Variants in STRN3 observed in about 807,000 individuals in gnomAD.
STRN3 encodes the protein striatin 3.
A neutral mutation model predicts 95.6 loss-of-function variants in STRN3; 29 were observed. The ratio of observed to expected loss-of-function variants is 0.30; its 90% CI spans 0.23 to 0.41. The LOEUF (loss-of-function observed/expected upper bound fraction) is 0.41. Among genes scored for constraint, STRN3 ranks in the 10% least tolerant of loss-of-function variants. The pLI is 1.00. For synonymous variants in STRN3, 331 were observed against 357.6 expected, an observed-to-expected ratio of 0.93 and a Z score of 0.84; for missense variants, 890 against 972.1, an observed-to-expected ratio of 0.92 and a Z score of 1.12.
intron 1 of STRN3, among the ~76,000 whole-genome samples, chr14:30,957,990 TA>T: frequency 7.9e-6 from 1 of 125,908 alleles, no homozygotes; most frequent in Non-Finnish European, 1.9e-5. Flanking sequence ...AGTCAACTAA[TA>T]AAAACACCTA....
At chr14:30,970,847 T>C (rs1476407387) in intron 1 of STRN3, among the ~76,000 whole-genome samples, 1 of 152,254 alleles carries the variant, frequency 6.6e-6, no homozygotes, top group Non-Finnish European at 1.5e-5. Context: ...ACTGTTATGT[T>C]TGTGCGCACG....
At chr14:30,971,959 TC>T (rs1465967847) in intron 1 of STRN3, among the ~76,000 whole-genome samples, 3 of 152,080 alleles carry the variant, frequency 2.0e-5, no homozygotes, top group Admixed American at 6.6e-5. Flanking sequence ...AGAAGCTTCT[TC>T]TTTCAGAAAG....
At chr14:30,976,493 T>C (rs922335701) in intron 1 of STRN3, among the ~76,000 whole-genome samples, 2 of 152,178 alleles carry the variant, frequency 1.3e-5, no homozygotes, top group African/African-American at 4.8e-5. Context: ...AGTAAAGATA[T>C]AGTTCAACTG....
chr14:31,021,894 G>C (rs972968919), intron 1 of STRN3, among the ~76,000 whole-genome samples: 8 of 152,160 alleles, frequency 5.3e-5, no homozygotes, highest in African/African-American at 1.7e-4. Flanking sequence ...GAGAATTCTA[G>C]ATCAGTGGTC....
chr14:30,924,287 C>CTTTTTTTTTTTGTTTTTTTT (rs1896960574), intron 8 of STRN3, among the ~76,000 whole-genome samples: 1 of 77,228 alleles, frequency 1.3e-5, no homozygotes, highest in African/African-American at 5.4e-5. Flanking sequence ...TGCCTTAAAT[C>CTTTTTTTTTTTGTTTTTTTT]TTTTTTTTTT....
chr14:30,900,747 C>CAAA (rs57963139), intron 16 of STRN3, among the ~76,000 whole-genome samples: 1 of 132,014 alleles, frequency 7.6e-6, no homozygotes, highest in Non-Finnish European at 1.6e-5. Context: ...AAGACTGGCT[C>CAAA]AAAAAAAAAA....
intron 8 of STRN3, among the ~76,000 whole-genome samples, chr14:30,928,725 ATTG>A (rs1373010340): frequency 6.6e-6 from 1 of 152,058 alleles, no homozygotes; most frequent in African/African-American, 2.4e-5. Context: ...TCTTTTTGCT[ATTG>A]TTGTTGTTAG....
At chr14:30,947,396 C>G in intron 4 of STRN3, 133 bp from the exon 5 acceptor site, 1 of 652,832 alleles carries the variant, frequency 1.5e-6, no homozygotes, top group Non-Finnish European at 2.4e-6. Flanking sequence ...TTCTTCTCTA[C>G]AGACTAGTTC....
chr14:31,025,783 C>T (rs939984758), intron 1 of STRN3, 121 bp downstream of exon 1: 258 of 1,370,768 alleles, frequency 1.9e-4, no homozygotes, highest in Non-Finnish European at 2.4e-4. Flanking sequence ...ACCTGAGCAG[C>T]ACAGGTAGGT....
chr14:30,988,081 T>C (rs1218091202), intron 1 of STRN3, among the ~76,000 whole-genome samples: 1 of 152,220 alleles, frequency 6.6e-6, no homozygotes, highest in Non-Finnish European at 1.5e-5. Flanking sequence ...GTCTTGTATA[T>C]TAAAGCAAGT....
At chr14:30,971,931 ATCC>A (rs1310399619) in intron 1 of STRN3, among the ~76,000 whole-genome samples, 16 of 152,162 alleles carry the variant, frequency 1.1e-4, no homozygotes, top group African/African-American at 3.4e-4. Flanking sequence ...TCCCTTAACT[ATCC>A]TCCACCTTAT....
intron 1 of STRN3, among the ~76,000 whole-genome samples, chr14:31,010,277 T>C (rs1882909625): frequency 6.6e-6 from 1 of 151,840 alleles, no homozygotes; most frequent in Non-Finnish European, 1.5e-5. Context: ...ATGTGCACAA[T>C]GTGCAGGTTA....
intron 5 of STRN3, among the ~76,000 whole-genome samples, chr14:30,946,536 C>T (rs930290897): frequency 6.6e-6 from 1 of 152,022 alleles, no homozygotes; most frequent in Non-Finnish European, 1.5e-5. Context: ...GAAGCCAGAC[C>T]CTGACTCAAA....
intron 5 of STRN3, among the ~76,000 whole-genome samples, chr14:30,941,469 T>C (rs1879090090): frequency 6.6e-6 from 1 of 152,206 alleles, no homozygotes; most frequent in Non-Finnish European, 1.5e-5. Flanking sequence ...CCCTGCTGTT[T>C]TCATTTTATA....
chr14:31,013,863 TTTATTATTA>T (rs548417882), intron 1 of STRN3, among the ~76,000 whole-genome samples: 4,596 of 80,784 alleles, frequency 0.057, 130 homozygotes, highest in South Asian at 0.12. Context: ...TCAAAGCAAT[TTTATTATTA>T]TTATTATTAT....
At chr14:31,021,824 G>A (rs1377775019) in intron 1 of STRN3, among the ~76,000 whole-genome samples, 2 of 152,180 alleles carry the variant, frequency 1.3e-5, no homozygotes, top group African/African-American at 4.8e-5. Flanking sequence ...GAAGGGAGGA[G>A]AGAAGAAAGC....
intron 8 of STRN3, 119 bp downstream of exon 8, chr14:30,929,082 T>C: frequency 1.4e-6 from 1 of 695,946 alleles, no homozygotes. Context: ...AGACAAAGTT[T>C]AAAGTTAGTT....
chr14:30,944,707 C>G (rs999141041), intron 5 of STRN3, among the ~76,000 whole-genome samples: 5 of 150,370 alleles, frequency 3.3e-5, no homozygotes, highest in Admixed American at 1.3e-4. Context: ...CAACCTTTGC[C>G]TCCTGGTTCA....
chr14:30,903,684 C>T (rs1408897395), intron 15 of STRN3, among the ~76,000 whole-genome samples: 1 of 152,144 alleles, frequency 6.6e-6, no homozygotes, highest in Non-Finnish European at 1.5e-5. Context: ...CAGGCATGAG[C>T]CAATGCGCCC....
Sources: gnomAD v4.1 joint callset for allele counts (sites outside exome capture counted in the v4.1 genomes callset) on GRCh38, gnomAD v4.1.1 for gene constraint, MANE v1.5 for transcripts, NCBI Gene and HGNC (gene_info 2026-07-23, HGNC 2026-07-21) for gene names.